The following GALNT9 variants were observed in gnomAD, a reference collection of about 807,000 sequenced individuals.
GALNT9 encodes the protein GalNAc transferase 9.
A neutral mutation model predicts 63.1 loss-of-function variants in GALNT9; 47 were observed. The observed-to-expected ratio is 0.75, with a 90% CI of 0.59 to 0.95. The LOEUF is 0.95. Among genes scored for constraint, GALNT9 ranks in the 40% least tolerant of loss-of-function variants. The probability of loss-of-function intolerance (pLI) is 0.00; values close to 1 mark genes in which losing one functional copy is unlikely to be tolerated. For missense variants in GALNT9, 829 were observed against 874.8 expected (o/e 0.95, Z 0.66); for synonymous variants, 396 against 365.7 (o/e 1.08, Z -0.94).
At chr12:132,267,767 G>GCACTCACACACA (rs1566006037) in intron 2 of GALNT9, among the ~76,000 whole-genome samples, 1 of 126,590 alleles carries the variant, frequency 7.9e-6, no homozygotes, top group African/African-American at 5.1e-5. Flanking sequence ...ACACACACAT[G>GCACTCACACACA]CACTCACACA....
chr12:132,230,778 C>T (rs36154438), intron 6 of GALNT9, among the ~76,000 whole-genome samples: 45,492 of 152,186 alleles, frequency 0.3, 7,614 homozygotes, highest in Middle Eastern at 0.48. Flanking sequence ...TATGTGTTAA[C>T]GGGGTAACAG....
intron 1 of GALNT9, among the ~76,000 whole-genome samples, chr12:132,313,865 C>A (rs1350014105): frequency 7.6e-6 from 1 of 131,360 alleles, no homozygotes; most frequent in Non-Finnish European, 1.6e-5. Context: ...CATCCACCCA[C>A]CCACCCATCC....
chr12:132,285,352 A>C (rs1326086668), intron 2 of GALNT9, among the ~76,000 whole-genome samples: 4 of 152,252 alleles, frequency 2.6e-5, no homozygotes, highest in African/African-American at 9.6e-5. Flanking sequence ...GGGGCTGGCC[A>C]AGCCTGCCAG....
chr12:132,260,334 G>A (rs1427784431), intron 4 of GALNT9, among the ~76,000 whole-genome samples: 2 of 152,202 alleles, frequency 1.3e-5, no homozygotes, highest in Admixed American at 1.3e-4. Context: ...GTCGGGCTCT[G>A]GGCCTCCAGA....
At position 132,327,513 on chromosome 12, in the gene GALNT9, A is replaced by G. The variant is rs1555246589; in HGVS notation, c.238+1453T>C. Among the ~76,000 whole-genome samples, 1 of 152,166 alleles carries G rather than the reference A, an allele frequency of 6.6e-6. No homozygotes were observed. Among genetic ancestry groups the G allele is most frequent in the Non-Finnish European group, 1.5e-5 (1 of 68,032 alleles). Reference sequence around the variant, plus strand: ...TTTATGTAATCCTCTGGCTCTCCCCATAAAACAGACCATAACACCATGGCG... The same window carrying G: ...TTTATGTAATCCTCTGGCTCTCCCCGTAAAACAGACCATAACACCATGGCG... On this transcript the variant is annotated intron_variant, in intron 1 of 10. Transcript: ENST00000328957. This position sits in a 1 kb window ranked among gnomAD's most constrained non-coding sequence, Gnocchi z 4.3.
In GALNT9 at chr12:132,279,347, C is replaced by G. The variant is rs1219185173; in HGVS notation, c.419+6903G>C. 1.3e-5 allele frequency: 2 copies of G among 152,256 alleles called. No homozygotes were observed. Among genetic ancestry groups the G allele is most frequent in the South Asian group, 4.1e-4 (2 of 4,832 alleles). 9.4% of individuals were successfully genotyped at this position (152,256 alleles called of 1,614,324 possible). On this transcript the variant is annotated intron_variant, in intron 2 of 10. Transcript: ENST00000328957. The surrounding 1 kb of genome is among the most constrained non-coding windows in gnomAD (Gnocchi z 4.1). Reference sequence around the variant, plus strand: ...TGCTTGCATGGTTGCTGGGACGGTCCAAAGTCCTCAGTGGGGACGGCTGGC... The same window carrying G: ...TGCTTGCATGGTTGCTGGGACGGTCGAAAGTCCTCAGTGGGGACGGCTGGC...
intron 6 of GALNT9, among the ~76,000 whole-genome samples, chr12:132,223,311 C>T (rs1252297922): frequency 2.8e-5 from 2 of 70,898 alleles, no homozygotes; most frequent in African/African-American, 1.2e-4. Context: ...ACACAACCCA[C>T]ACCCCACATA....
At chr12:132,213,502 C>T (rs1877053976) in intron 6 of GALNT9, among the ~76,000 whole-genome samples, 1 of 119,306 alleles carries the variant, frequency 8.4e-6, no homozygotes, top group African/African-American at 3.1e-5. Flanking sequence ...ACTCCACTCA[C>T]ACACAGGCGC....
intron 6 of GALNT9, among the ~76,000 whole-genome samples, chr12:132,222,971 GCACCCCACACAACCCACACCCCACATA>G (rs1877521778): frequency 7.4e-5 from 5 of 67,134 alleles, no homozygotes; most frequent in East Asian, 4.5e-4. Context: ...CACACAACCC[GCACCCCACACAACCCACACCCCACATA>G]CACCCCACAC....
chr12:132,311,570 G>A (rs1392954486), intron 1 of GALNT9, among the ~76,000 whole-genome samples: 1 of 152,214 alleles, frequency 6.6e-6, no homozygotes, highest in African/African-American at 2.4e-5. Flanking sequence ...GCACACAAGG[G>A]AAAGAGACAC....
intron 10 of GALNT9, among the ~76,000 whole-genome samples, 196 bp downstream of exon 10, chr12:132,197,596 C>T (rs932224392): frequency 6.7e-6 from 1 of 148,954 alleles, no homozygotes; most frequent in African/African-American, 2.6e-5. Flanking sequence ...GCTGTGTGAC[C>T]CTGACCAGTC....
intron 1 of GALNT9, among the ~76,000 whole-genome samples, chr12:132,309,703 G>A (rs577778801): frequency 1.3e-5 from 2 of 152,354 alleles, no homozygotes; most frequent in Admixed American, 1.3e-4. Context: ...CCGGCACCGT[G>A]ACTTTGGACT....
intron 7 of GALNT9, 147 bp from the exon 8 acceptor site, chr12:132,201,408 T>TCCA (rs1305362724): frequency 1.7e-6 from 1 of 601,552 alleles, no homozygotes; most frequent in Non-Finnish European, 2.9e-6. Flanking sequence ...CCCCATCCAG[T>TCCA]TGGGACCCCC....
chr12:132,259,619 C>A (rs1403927293), intron 4 of GALNT9, among the ~76,000 whole-genome samples: 1 of 152,140 alleles, frequency 6.6e-6, no homozygotes, highest in Non-Finnish European at 1.5e-5. Flanking sequence ...CCACTTGAAC[C>A]CACTGATGCT....
At chr12:132,247,260 G>A (rs1878738959) in intron 6 of GALNT9, among the ~76,000 whole-genome samples, 3 of 152,318 alleles carry the variant, frequency 2.0e-5, no homozygotes, top group Admixed American at 6.5e-5. Context: ...CCTCTGTGCC[G>A]AAGGACCCAC....
intron 6 of GALNT9, among the ~76,000 whole-genome samples, chr12:132,222,072 G>A (rs1877472995): frequency 1.3e-5 from 2 of 152,162 alleles, no homozygotes; most frequent in African/African-American, 4.8e-5. Context: ...TCCGTTCGCG[G>A]CTGAGGATGG....
rs1457749527 is a variant in GALNT9, at chr12:132,310,588, G to T, written c.238+18378C>A. 6.6e-6 allele frequency among the ~76,000 whole-genome samples: 1 copy of T among 152,232 alleles called. No homozygotes were observed. The highest frequency in any genetic ancestry group is 1.5e-5 in the Non-Finnish European group (1 of 68,042). On this transcript the variant is annotated intron_variant, in intron 1 of 10. Coordinates refer to ENST00000328957, the MANE Select transcript of GALNT9 (RefSeq NM_001122636.2). The surrounding 1 kb of genome is among the most constrained non-coding windows in gnomAD (Gnocchi z 4.8). Reference sequence around the variant, plus strand: ...AGCACACGATACCTGGGATATGTGGGCGGCTGTGATTTTTCAACTTGGAAG... The same window carrying T: ...AGCACACGATACCTGGGATATGTGGTCGGCTGTGATTTTTCAACTTGGAAG...
intron 1 of GALNT9, among the ~76,000 whole-genome samples, chr12:132,326,482 A>G (rs1364271303): frequency 6.6e-6 from 1 of 152,154 alleles, no homozygotes; most frequent in Non-Finnish European, 1.5e-5. Flanking sequence ...GGATATCCCA[A>G]AGAAAGGCCA....
At chr12:132,202,137 TTGTTGCTC>T (rs1293939716) in intron 7 of GALNT9, among the ~76,000 whole-genome samples, 14 of 152,206 alleles carry the variant, frequency 9.2e-5, no homozygotes, top group African/African-American at 3.1e-4. Flanking sequence ...CAGAAACTCA[TTGTTGCTC>T]TGTTATGAGG....
Sources: allele counts gnomAD v4.1 joint callset (sites outside exome capture counted in the v4.1 genomes callset), GRCh38; gene constraint gnomAD v4.1.1; non-coding constraint Gnocchi (gnomAD v3.1); transcripts MANE v1.5; gene names NCBI Gene and HGNC (gene_info 2026-07-23, HGNC 2026-07-21).